Variants in EPHB1 observed in about 807,000 individuals in gnomAD.
EPHB1 encodes the protein ephrin type-B receptor 1.
Under a neutral mutation model 94.4 loss-of-function variants are expected in EPHB1, and 30 were observed. The observed-to-expected ratio is 0.32, with a 90% CI of 0.24 to 0.43. The LOEUF is 0.43. Ranked by LOEUF, EPHB1 falls within the 20% of genes least tolerant of loss-of-function variation. The probability of loss-of-function intolerance (pLI) is 1.00; values close to 1 mark genes in which losing one functional copy is unlikely to be tolerated. For synonymous variants in EPHB1, 522 were observed against 489.1 expected (o/e 1.07, Z -0.89); for missense variants, 1,055 against 1,308.3 (o/e 0.81, Z 2.99).
intron 2 of EPHB1, among the ~76,000 whole-genome samples, chr3:134,938,410 G>A (rs754104080): frequency 6.6e-5 from 10 of 152,178 alleles, no homozygotes; most frequent in African/African-American, 1.2e-4. Flanking sequence ...CAGAGCTCGT[G>A]CCCTGCTGGC....
rs1202648733 is a variant in EPHB1 at position 135,025,278 on chromosome 3, G to A, written c.805+73226G>A. On this transcript the variant is annotated intron_variant, in intron 3 of 15. Transcript: ENST00000398015. ...CACACTGTGCAGGTTAGTTACATAC[G>A]TATACATGTGCCATGCTGGTGTGCT... Among the ~76,000 whole-genome samples the A allele has an allele frequency of 2.1e-4, 27 of 129,886 alleles. 1 individual carries two copies. The highest frequency in any genetic ancestry group is 7.9e-4 in the East Asian group (3 of 3,798). 85.2% of individuals were successfully genotyped at this position (129,886 alleles called of 152,430 possible). A position where few individuals can be genotyped will look rare whatever the true frequency, so the allele number is the denominator to read the frequency against.
intron 1 of EPHB1, among the ~76,000 whole-genome samples, chr3:134,830,134 G>A (rs931181065): frequency 6.6e-6 from 1 of 151,974 alleles, no homozygotes; most frequent in East Asian, 1.9e-4. Context: ...ACCACGTTGT[G>A]CTCATTCCTC....
At chr3:135,219,195 GAA>G (rs71807498) in intron 12 of EPHB1, among the ~76,000 whole-genome samples, 6,247 of 152,218 alleles carry the variant, frequency 0.041, 397 homozygotes, top group African/African-American at 0.14. Context: ...CTAGTGTTTG[GAA>G]AAGAGTGTGA....
chr3:134,964,457 C>T (rs771038657), intron 3 of EPHB1, among the ~76,000 whole-genome samples: 46 of 152,196 alleles, frequency 3.0e-4, no homozygotes, highest in Non-Finnish European at 6.2e-4. Flanking sequence ...GTCAGTGCAA[C>T]GTGTGTATTT....
intron 15 of EPHB1, among the ~76,000 whole-genome samples, chr3:135,251,425 C>G (rs1933092618): frequency 6.6e-6 from 1 of 152,106 alleles, no homozygotes; most frequent in Admixed American, 6.5e-5. Flanking sequence ...CGTAATCCCC[C>G]AGGATCTAAA....
At chr3:135,009,602 A>T (rs1935550054) in intron 3 of EPHB1, among the ~76,000 whole-genome samples, 1 of 152,236 alleles carries the variant, frequency 6.6e-6, no homozygotes. Context: ...CCCTGGAGAG[A>T]CAGAGGGTTT....
intron 10 of EPHB1, among the ~76,000 whole-genome samples, chr3:135,189,558 A>G (rs1942408013): frequency 6.6e-6 from 1 of 152,226 alleles, no homozygotes; most frequent in Non-Finnish European, 1.5e-5. Flanking sequence ...TGCTCTGCAA[A>G]TTATGTAACC....
At chr3:135,197,406 A>G (rs929632239) in intron 11 of EPHB1, among the ~76,000 whole-genome samples, 3 of 152,236 alleles carry the variant, frequency 2.0e-5, no homozygotes, top group African/African-American at 7.2e-5. Context: ...CCTGAGACCA[A>G]GGTTCTGCTT....
chr3:135,144,226 C>G (rs114819443), intron 5 of EPHB1, among the ~76,000 whole-genome samples: 401 of 152,312 alleles, frequency 2.6e-3, no homozygotes, highest in Non-Finnish European at 4.3e-3. Context: ...AAGTCATTTT[C>G]CCCTCTCTTA....
At chr3:134,797,396 C>A (rs2035850834) in intron 1 of EPHB1, among the ~76,000 whole-genome samples, 1 of 152,186 alleles carries the variant, frequency 6.6e-6, no homozygotes, top group Non-Finnish European at 1.5e-5. Flanking sequence ...AGCGCATTTG[C>A]AAGGGCAATT....
rs759918802 is a variant in EPHB1 at position 134,951,716 on chromosome 3, A to C, written c.469A>C (p.Lys157Gln). Residue 157 changes from lysine to glutamine, a missense_variant, in exon 3 of 16, where the codon AAG (lysine) becomes CAG (glutamine). Lys to Gln is a moderately conservative substitution (Grantham distance 53). Transcript: ENST00000398015. The surrounding 1 kb of genome is among the most constrained non-coding windows in gnomAD (Gnocchi z 4.5). ...GGTGGACTTTGGGGGAAGGCTGATGAAGGTAAACACAGAAGTCAGGAGCTT... is the reference window on the plus strand; with the variant it reads ...GGTGGACTTTGGGGGAAGGCTGATGCAGGTAAACACAGAAGTCAGGAGCTT... ...SQVDFGGRLM[K>Q]VNTEVRSFGP... 12 of 1,614,110 alleles carry C rather than the reference A, an allele frequency of 7.4e-6. No homozygotes were observed. Among genetic ancestry groups the C allele is most frequent in the Non-Finnish European group, 1.0e-5 (12 of 1,179,978 alleles).
At position 134,967,504 on chromosome 3, in the gene EPHB1, C is replaced by T. The variant is rs80350572; in HGVS notation, c.805+15452C>T. 2.4e-3 allele frequency among the ~76,000 whole-genome samples: 359 copies of T among 152,178 alleles called. 1 individual carries two copies. Among genetic ancestry groups the T allele is most frequent in the African/African-American group, 7.7e-3 (321 of 41,522 alleles). On this transcript the variant is annotated intron_variant, in intron 3 of 15. Coordinates refer to ENST00000398015, the MANE Select transcript of EPHB1 (RefSeq NM_004441.5). ...ATGAGTTATCAAGGGAGTGGGTTAG[C>T]TGTTACTAGAGTGGATCTTATAATA...
intron 1 of EPHB1, among the ~76,000 whole-genome samples, chr3:134,919,294 G>A (rs2038630322): frequency 6.6e-6 from 1 of 152,198 alleles, no homozygotes; most frequent in South Asian, 2.1e-4. Context: ...ATTTAGATGG[G>A]GGAGACACAT....
chr3:134,911,897 T>C (rs911120221), intron 1 of EPHB1, among the ~76,000 whole-genome samples: 2 of 152,190 alleles, frequency 1.3e-5, no homozygotes, highest in African/African-American at 4.8e-5. Context: ...CCAGGGATCC[T>C]GGCTCTCCGG....
chr3:135,043,726 T>C (rs1936919685), intron 3 of EPHB1, among the ~76,000 whole-genome samples: 1 of 152,222 alleles, frequency 6.6e-6, no homozygotes, highest in Admixed American at 6.5e-5. Flanking sequence ...AGCGGAAGAC[T>C]CTTGCATCCA....
chr3:135,006,135 A>G (rs560590152), intron 3 of EPHB1, among the ~76,000 whole-genome samples: 2 of 152,352 alleles, frequency 1.3e-5, no homozygotes, highest in South Asian at 2.1e-4. Flanking sequence ...CTGTGAGTCA[A>G]TTAAACCTCT....
At chr3:135,175,425 G>T (rs776598197) in intron 9 of EPHB1, among the ~76,000 whole-genome samples, 2 of 152,188 alleles carry the variant, frequency 1.3e-5, no homozygotes, top group Non-Finnish European at 2.9e-5. Flanking sequence ...TAATTCTCCT[G>T]AGACTATGGT....
intron 3 of EPHB1, among the ~76,000 whole-genome samples, chr3:135,022,080 C>T (rs530054545): frequency 2.6e-5 from 4 of 152,206 alleles, no homozygotes; most frequent in African/African-American, 7.2e-5. Flanking sequence ...CCTGGGTTCA[C>T]GCCATTCTTC....
intron 12 of EPHB1, among the ~76,000 whole-genome samples, chr3:135,213,147 TG>T (rs1241523682): frequency 6.6e-6 from 1 of 152,226 alleles, no homozygotes; most frequent in Non-Finnish European, 1.5e-5. Context: ...TTCTCCACCT[TG>T]TTTTCCCCCA....
Sources: allele counts gnomAD v4.1 joint callset (sites outside exome capture counted in the v4.1 genomes callset), GRCh38; gene constraint gnomAD v4.1.1; non-coding constraint Gnocchi (gnomAD v3.1); transcripts MANE v1.5; gene names NCBI Gene and HGNC (gene_info 2026-07-23, HGNC 2026-07-21).